The following HOXA3 variants were observed in gnomAD, a reference collection of about 807,000 sequenced individuals.
HOXA3 encodes homeobox A3.
Under a neutral mutation model 30.3 loss-of-function variants are expected in HOXA3, and 8 were observed. That is an observed-to-expected ratio of 0.26 (90% confidence interval 0.15 to 0.48). HOXA3 has a LOEUF of 0.48. Among genes scored for constraint, HOXA3 ranks in the 20% least tolerant of loss-of-function variants. The pLI, the probability that HOXA3 is intolerant of heterozygous loss-of-function variation, is 0.99. For synonymous variants in HOXA3, 323 were observed against 273.1 expected, an observed-to-expected ratio of 1.18 and a Z score of -1.80; for missense variants, 653 against 614.4, an observed-to-expected ratio of 1.06 and a Z score of -0.66.
intron 1 of HOXA3, chr7:27,141,587 T>C (rs1302462828): frequency 5.3e-6 from 2 of 378,840 alleles, no homozygotes; most frequent in African/African-American, 4.1e-5. Context: ...TTGCTTCATA[T>C]AAATAAGTTA....
intron 4 of HOXA3, among the ~76,000 whole-genome samples, chr7:27,114,985 T>C (rs979080542): frequency 6.8e-6 from 1 of 146,734 alleles, no homozygotes; most frequent in Non-Finnish European, 1.5e-5. Flanking sequence ...AAGTGGATGA[T>C]TTTCCTCCTA....
intron 1 of HOXA3, chr7:27,147,842 G>T: frequency 8.5e-7 from 1 of 1,175,164 alleles, no homozygotes; most frequent in Non-Finnish European, 1.2e-6. Context: ...TTTCTGGATG[G>T]CCGAACGCCA....
chr7:27,130,901 CAA>C (rs1235213121), intron 2 of HOXA3: 12 of 700,456 alleles, frequency 1.7e-5, no homozygotes, highest in Non-Finnish European at 3.0e-5. Flanking sequence ...ACGCCGCCAC[CAA>C]AGTTCGAGCC....
Position 27,110,314 on chromosome 7 carries a change from A to G in HOXA3, c.327T>C (p.Pro109=), listed in dbSNP as rs1583417261. ...PPAPQPPQPA[P]QPPAPTPAAP... The stretch of plus-strand genomic sequence containing the variant: ...CGGCAGGGGTAGGTGCAGGGGGCTG[A>G]GGTGCGGGCTGAGGCGGCTGTGGGG... Residue 109 remains proline, a synonymous_variant, in exon 5 of 6, where the codon CCT becomes CCC. Transcript: ENST00000612286. 1 of 1,292,910 alleles carries G rather than the reference A, an allele frequency of 7.7e-7. No individual in the cohort carries two copies. The highest frequency in any genetic ancestry group is 2.8e-5 in the East Asian group (1 of 36,174). 80.1% of individuals were successfully genotyped at this position (1,292,910 alleles called of 1,614,324 possible).
At chr7:27,110,059 A>G (rs1235430738) in intron 5 of HOXA3, 56 bp downstream of exon 5, 2 of 1,607,130 alleles carry the variant, frequency 1.2e-6, no homozygotes, top group African/African-American at 1.3e-5. Context: ...CGTGGGCAGT[A>G]GCTTGGGGAC....
chr7:27,147,892 G>T, intron 1 of HOXA3: 1 of 790,246 alleles, frequency 1.3e-6, no homozygotes, highest in Non-Finnish European at 1.9e-6. Context: ...ACGCGGCGGC[G>T]GCCAATGGGA....
At chr7:27,129,572 C>A (rs775984563) in intron 2 of HOXA3, 1 of 1,611,976 alleles carries the variant, frequency 6.2e-7, no homozygotes, top group Admixed American at 1.7e-5. Context: ...CTGGGGTTAA[C>A]TGAAAACCCA....
At chr7:27,140,381 G>T (rs1254051296) in intron 1 of HOXA3, 195 bp from the exon 2 acceptor site, 1 of 152,110 alleles carries the variant, frequency 6.6e-6, no homozygotes, top group Non-Finnish European at 1.5e-5. Context: ...TATTCATTTG[G>T]CACCCAAATG....
At position 27,113,780 on chromosome 7, in the gene HOXA3, C is replaced by G. The variant is rs933656734; in HGVS notation, c.-120-3020G>C. Reference sequence around the variant, plus strand: ...CAGGCGGGCTGGAGACCCCGAGGCCCGGTCACCGCCGCGCAGAGCGTGGCC... The same window carrying G: ...CAGGCGGGCTGGAGACCCCGAGGCCGGGTCACCGCCGCGCAGAGCGTGGCC... On this transcript the variant is annotated intron_variant, in intron 4 of 5. Transcript: ENST00000612286. The surrounding 1 kb of genome is among the most constrained non-coding windows in gnomAD (Gnocchi z 4.8). 1.3e-5 allele frequency: 2 copies of G among 152,100 alleles called. No individual in the cohort carries two copies. The allele number at this position is 152,100 out of a possible 1,614,324, so 9.4% of individuals were successfully genotyped here. A position where few individuals can be genotyped will look rare whatever the true frequency, so the allele number is the denominator to read the frequency against.
chr7:27,114,835 T>TTATATATATTATATATATTATATATTA lies in HOXA3; in HGVS notation c.-120-4076_-120-4075insTAATATATAATATATATAATATATATA, dbSNP rs1784600892. The stretch of plus-strand genomic sequence containing the variant: ...AACATACATATATATATAATATATA[T>TTATATATATTATATATATTATATATTA]TATATATATAATATATATTATATAT... On this transcript the variant is annotated intron_variant, in intron 4 of 5. Coordinates refer to ENST00000612286, the MANE Select transcript of HOXA3 (RefSeq NM_153631.3). 1.2e-4 allele frequency among the ~76,000 whole-genome samples: 11 copies of TTATATATATTATATATATTATATATTA among 93,482 alleles called. 1 individual carries two copies. The highest frequency in any genetic ancestry group is 4.3e-4 in the African/African-American group (11 of 25,706). 61.3% of individuals were successfully genotyped at this position (93,482 alleles called of 152,430 possible).
intron 2 of HOXA3, chr7:27,130,152 C>T: frequency 6.2e-7 from 1 of 1,603,480 alleles, no homozygotes; most frequent in Non-Finnish European, 8.5e-7. Flanking sequence ...TCCAGGGGTA[C>T]ACCACGGGCT....
At chr7:27,117,121 A>G (rs1435307540) in intron 4 of HOXA3, among the ~76,000 whole-genome samples, 1 of 152,150 alleles carries the variant, frequency 6.6e-6, no homozygotes, top group African/African-American at 2.4e-5. Context: ...CCAAAGCCCA[A>G]TTAGCTGGGG....
At chr7:27,139,945 C>T (rs1010113149) in intron 2 of HOXA3, 138 bp downstream of exon 2, 1 of 150,796 alleles carries the variant, frequency 6.6e-6, no homozygotes, top group African/African-American at 2.5e-5. Context: ...CTCTTTTGGG[C>T]AGAGGGAAAG....
chr7:27,107,820 G>A lies in HOXA3; in HGVS notation c.*95C>T. ...AGAGAGAAAAGGAAGGAAGGAAAGG[G>A]CAGGAAGAACCTAAAAAAAAAAAAA... On this transcript the variant is annotated 3_prime_UTR_variant, in exon 6 of 6. Transcript: ENST00000612286. 3.6e-6 allele frequency: 3 copies of A among 825,338 alleles called. No individual in the cohort carries two copies. In the South Asian group the frequency reaches 6.7e-5, roughly 18 times the overall value. 51.1% of individuals were successfully genotyped at this position (825,338 alleles called of 1,614,324 possible).
intron 1 of HOXA3, among the ~76,000 whole-genome samples, chr7:27,145,119 G>A (rs538113190): frequency 9.5e-4 from 145 of 152,350 alleles, no homozygotes; most frequent in African/African-American, 3.3e-3. Flanking sequence ...TCTGGGAGGC[G>A]GCTTGGGAGG....
At chr7:27,124,777 G>A (rs1785206505) in intron 3 of HOXA3, among the ~76,000 whole-genome samples, 2 of 152,172 alleles carry the variant, frequency 1.3e-5, no homozygotes, top group African/African-American at 2.4e-5. Context: ...GCTGCAACCA[G>A]GGTCCTTTTT....
chr7:27,142,939 G>A, intron 1 of HOXA3: 1 of 1,070,028 alleles, frequency 9.3e-7, no homozygotes, highest in East Asian at 2.7e-5. Context: ...CCGCAGGGCT[G>A]GGAGAAATGA....
At chr7:27,133,747 A>T (rs943111008) in intron 2 of HOXA3, among the ~76,000 whole-genome samples, 1 of 152,296 alleles carries the variant, frequency 6.6e-6, no homozygotes, top group South Asian at 2.1e-4. Context: ...TTGTAACAGC[A>T]TTCCCTCTTG....
intron 3 of HOXA3, chr7:27,122,967 G>A (rs970534633): frequency 6.6e-6 from 1 of 152,326 alleles, no homozygotes; most frequent in Non-Finnish European, 1.5e-5. Context: ...AGCTGAGAAG[G>A]TGGAAGTGGC....
Sources: allele counts gnomAD v4.1 joint callset (sites outside exome capture counted in the v4.1 genomes callset), GRCh38; gene constraint gnomAD v4.1.1; non-coding constraint Gnocchi (gnomAD v3.1); transcripts MANE v1.5; gene names NCBI Gene and HGNC (gene_info 2026-07-23, HGNC 2026-07-21).